Variants in PSAP observed in about 807,000 individuals in gnomAD.
PSAP encodes the protein precursor of saposins.
PSAP carries 25 observed loss-of-function variants against 66.0 expected under a neutral mutation model. The ratio of observed to expected loss-of-function variants is 0.38; its 90% CI spans 0.28 to 0.53. The LOEUF (loss-of-function observed/expected upper bound fraction) is 0.53, where lower values mean the gene tolerates loss of function less well. Among genes scored for constraint, PSAP ranks in the 20% least tolerant of loss-of-function variants. PSAP has a pLI of 0.83. For synonymous variants in PSAP, 273 were observed against 258.9 expected, an observed-to-expected ratio of 1.05 and a Z score of -0.52; for missense variants, 649 against 668.8, an observed-to-expected ratio of 0.97 and a Z score of 0.33.
intron 1 of PSAP, among the ~76,000 whole-genome samples, chr10:71,845,102 C>T (rs1454511839): frequency 6.6e-6 from 1 of 152,152 alleles, no homozygotes; most frequent in African/African-American, 2.4e-5. Context: ...TAAGATAAAA[C>T]ATACATATAT....
At chr10:71,828,767 C>T (rs1842448219) in intron 5 of PSAP, 110 bp downstream of exon 5, 1 of 1,207,602 alleles carries the variant, frequency 8.3e-7, no homozygotes, top group African/African-American at 1.5e-5. Flanking sequence ...CAGAGTCACG[C>T]ACAGGGATAA....
At chr10:71,818,579 C>A in intron 13 of PSAP, 38 bp downstream of exon 13, 1 of 1,556,432 alleles carries the variant, frequency 6.4e-7, no homozygotes, top group Non-Finnish European at 8.9e-7. Context: ...TACCCCAGGG[C>A]AAGACAGGCT....
chr10:71,835,822 A>G (rs576453581), intron 1 of PSAP, among the ~76,000 whole-genome samples: 9 of 26,424 alleles, frequency 3.4e-4, no homozygotes, highest in Admixed American at 1.5e-3. Context: ...TCTGAGACAG[A>G]AAAAAAAAAA....
chr10:71,820,428 G>A, intron 8 of PSAP, 93 bp from the exon 9 acceptor site: 1 of 1,064,714 alleles, frequency 9.4e-7, no homozygotes, highest in Non-Finnish European at 1.5e-6. Context: ...AGAGACCAGG[G>A]TGGGTTAGCA....
intron 1 of PSAP, among the ~76,000 whole-genome samples, chr10:71,836,914 C>T (rs1305144819): frequency 6.6e-6 from 1 of 152,154 alleles, no homozygotes; most frequent in Non-Finnish European, 1.5e-5. Flanking sequence ...TGTTTTGGTC[C>T]GGCCAACCTG....
At chr10:71,848,049 C>G (rs1470587222) in intron 1 of PSAP, among the ~76,000 whole-genome samples, 2 of 152,220 alleles carry the variant, frequency 1.3e-5, no homozygotes, top group African/African-American at 4.8e-5. Flanking sequence ...TTACACCTAG[C>G]TGATGAACAC....
intron 8 of PSAP, among the ~76,000 whole-genome samples, chr10:71,820,682 G>A (rs1379371955): frequency 6.8e-6 from 1 of 146,970 alleles, no homozygotes; most frequent in Non-Finnish European, 1.5e-5. Flanking sequence ...TCATTTTGGG[G>A]AGGAGGATGA....
intron 6 of PSAP, among the ~76,000 whole-genome samples, chr10:71,827,414 AAAAG>A (rs1306650608): frequency 6.8e-6 from 1 of 147,460 alleles, no homozygotes. Flanking sequence ...AGAAAAAAAA[AAAAG>A]AAAAGAAAAG....
Position 71,825,857 on chromosome 10 carries a change from T to C in PSAP, c.757A>G (p.Ile253Val). The C allele has an allele frequency of 6.2e-7, 1 of 1,613,682 alleles. No individual in the cohort carries two copies. Among genetic ancestry groups the C allele is most frequent in the Non-Finnish European group, 8.5e-7 (1 of 1,179,564 alleles). The change falls in exon 7 of 14, where the codon ATC (isoleucine) becomes GTC (valine). Residue 253 changes from isoleucine (I) to valine (V), a missense_variant. Physicochemically the swap from Ile to Val is conservative, Grantham distance 29. Transcript: ENST00000394936. ...CCTACCATGTGCATCATCATCTGGA[T>C]AGCAATTTCAGAATACTGGCTGATA... Reference protein sequence around the residue: ...NYISQYSEIAIQMMMHMQPKE... With the variant: ...NYISQYSEIAVQMMMHMQPKE...
intron 6 of PSAP, 134 bp downstream of exon 6, chr10:71,827,880 T>G: frequency 8.1e-7 from 1 of 1,230,844 alleles, no homozygotes. Flanking sequence ...CAAAATAGAT[T>G]CAAGTCTGCA....
intron 1 of PSAP, among the ~76,000 whole-genome samples, chr10:71,835,451 G>A (rs983766144): frequency 3.3e-5 from 5 of 151,740 alleles, no homozygotes; most frequent in Non-Finnish European, 7.4e-5. Context: ...ACGCACCTGT[G>A]ATCCCAGCTA....
At chr10:71,820,428 G>T in intron 8 of PSAP, 93 bp from the exon 9 acceptor site, 1 of 1,064,712 alleles carries the variant, frequency 9.4e-7, no homozygotes, top group African/African-American at 1.6e-5. Flanking sequence ...AGAGACCAGG[G>T]TGGGTTAGCA....
intron 7 of PSAP, 82 bp downstream of exon 7, chr10:71,825,755 C>T (rs915046879): frequency 7.5e-7 from 1 of 1,332,710 alleles, no homozygotes; most frequent in Admixed American, 1.7e-5. Context: ...GAAACTAAAC[C>T]ATATAATTTT....
intron 8 of PSAP, among the ~76,000 whole-genome samples, chr10:71,821,025 A>AT (rs774951594): frequency 2.0e-4 from 31 of 152,196 alleles, no homozygotes; most frequent in Non-Finnish European, 8.8e-5. Flanking sequence ...AGTGCGAGCT[A>AT]TAACTCTTCA....
intron 7 of PSAP, among the ~76,000 whole-genome samples, chr10:71,824,306 C>G (rs996855058): frequency 6.6e-6 from 1 of 152,184 alleles, no homozygotes; most frequent in Non-Finnish European, 1.5e-5. Flanking sequence ...CACCACAGAA[C>G]AAGACACAGG....
chr10:71,825,761 A>C (rs767799062), intron 7 of PSAP, 76 bp downstream of exon 7: 8 of 1,397,654 alleles, frequency 5.7e-6, no homozygotes, highest in Non-Finnish European at 8.1e-6. Flanking sequence ...AAACCATATA[A>C]TTTTCAAAAT....
At chr10:71,845,546 T>C (rs1020328143) in intron 1 of PSAP, among the ~76,000 whole-genome samples, 3 of 152,208 alleles carry the variant, frequency 2.0e-5, no homozygotes, top group Non-Finnish European at 2.9e-5. Flanking sequence ...CTAAGGGAGC[T>C]GCTACCAGGC....
At chr10:71,820,177 C>T in intron 9 of PSAP, 63 bp downstream of exon 9, 1 of 1,418,580 alleles carries the variant, frequency 7.0e-7, no homozygotes, top group Non-Finnish European at 1.0e-6. Context: ...GGGACTTTCC[C>T]ACTGGGACAT....
At position 71,831,218 on chromosome 10, in the gene PSAP, C is replaced by T; in HGVS notation, c.283G>A (p.Asp95Asn). Residue 95 changes from aspartate (D) to asparagine (N), a missense_variant, in exon 4 of 14, where the codon GAC becomes AAC. Transcript: ENST00000394936. ...EILVYLEKTC[D>N]WLPKPNMSAS... ...GACATGTTCGGTTTCGGAAGCCAGT[C>T]ACAGGTCTTCTCCAAGTAAACAAGG... is the stretch of plus-strand genomic sequence containing the variant. 1.2e-6 allele frequency: 2 copies of T among 1,614,088 alleles called. No individual in the cohort carries two copies. The highest frequency in any genetic ancestry group is 1.7e-6 in the Non-Finnish European group (2 of 1,179,996).
Sources: allele counts gnomAD v4.1 joint callset (sites outside exome capture counted in the v4.1 genomes callset), GRCh38; gene constraint gnomAD v4.1.1; transcripts MANE v1.5; gene names NCBI Gene and HGNC (gene_info 2026-07-23, HGNC 2026-07-21).